The following GREB1 variants were observed in gnomAD, a reference collection of about 807,000 sequenced individuals.
GREB1 encodes the protein growth regulating estrogen receptor binding 1, also known as protein GREB1.
Under a neutral mutation model 200.7 loss-of-function variants are expected in GREB1, and 106 were observed. The observed-to-expected ratio is 0.53, with a 90% CI of 0.45 to 0.62. The LOEUF (loss-of-function observed/expected upper bound fraction) is 0.62, where lower values mean the gene tolerates loss of function less well. Among genes scored for constraint, GREB1 ranks in the 20% least tolerant of loss-of-function variants. The probability of loss-of-function intolerance (pLI) is 0.00; values close to 1 mark genes in which losing one functional copy is unlikely to be tolerated. For synonymous variants in GREB1, 1,132 were observed against 1,092.4 expected (o/e 1.04, Z -0.72); for missense variants, 2,243 against 2,556.8 (o/e 0.88, Z 2.65).
At chr2:11,596,049 T>C in intron 12 of GREB1, 62 bp from the exon 13 acceptor site, 2 of 1,531,132 alleles carry the variant, frequency 1.3e-6, no homozygotes, top group Non-Finnish European at 1.8e-6. Flanking sequence ...CTAACTGCGC[T>C]GTAGATGTTT....
intron 25 of GREB1, among the ~76,000 whole-genome samples, chr2:11,628,630 TC>T (rs1205719711): frequency 6.6e-6 from 1 of 152,244 alleles, no homozygotes; most frequent in Non-Finnish European, 1.5e-5. Flanking sequence ...ATGTAGTTTT[TC>T]TTTTAAGGCA....
chr2:11,616,806 T>G, intron 21 of GREB1, 86 bp downstream of exon 21: 1 of 779,496 alleles, frequency 1.3e-6, no homozygotes, highest in Admixed American at 2.1e-5. Flanking sequence ...AGAGGGCTAT[T>G]TGCTGATCCT....
At chr2:11,568,804 T>C (rs1295278885) in intron 4 of GREB1, among the ~76,000 whole-genome samples, 1 of 152,248 alleles carries the variant, frequency 6.6e-6, no homozygotes, top group Non-Finnish European at 1.5e-5. Context: ...CTTTGTTAAT[T>C]GCTTGCCAGA....
At chr2:11,623,941 A>T (rs1222433706) in intron 23 of GREB1, among the ~76,000 whole-genome samples, 2 of 151,912 alleles carry the variant, frequency 1.3e-5, no homozygotes, top group African/African-American at 4.9e-5. Context: ...TAGAAAAATT[A>T]AAATATTAAG....
At chr2:11,614,058 G>A (rs374203651) in intron 19 of GREB1, among the ~76,000 whole-genome samples, 1 of 151,712 alleles carries the variant, frequency 6.6e-6, no homozygotes, top group Non-Finnish European at 1.5e-5. Flanking sequence ...ACCCTGGCCT[G>A]TGTTCACTTG....
chr2:11,616,960 G>A (rs3792037), intron 21 of GREB1, among the ~76,000 whole-genome samples: 89,166 of 151,952 alleles, frequency 0.59, 27,085 homozygotes, highest in African/African-American at 0.76. Flanking sequence ...GCTCAGGGGA[G>A]GACCGTGGAC....
intron 1 of GREB1, among the ~76,000 whole-genome samples, chr2:11,543,032 C>T (rs1256351596): frequency 6.6e-6 from 1 of 152,130 alleles, no homozygotes; most frequent in Non-Finnish European, 1.5e-5. Context: ...TCTTCCTTTT[C>T]CTCGTCTACT....
intron 4 of GREB1, among the ~76,000 whole-genome samples, chr2:11,574,758 G>A (rs923226337): frequency 6.6e-6 from 1 of 152,238 alleles, no homozygotes; most frequent in African/African-American, 2.4e-5. Flanking sequence ...TGTGTCACTT[G>A]TGGGTTGAGA....
In GREB1 at chr2:11,618,396, G is replaced by A; in HGVS notation, c.3521G>A (p.Gly1174Asp). 6.2e-7 allele frequency: 1 copy of A among 1,611,462 alleles called. No homozygotes were observed. The change falls in exon 22 of 33, where the codon GGT (glycine) becomes GAT (aspartate). Residue 1174 changes from glycine to aspartate, a missense_variant. By Grantham distance (94) the Gly-to-Asp change is moderately conservative (BLOSUM62 -1). Transcript: ENST00000381486. ...CCCGCAGAGGAGGGCAGAGCCCCTG[G>A]TGAGAAACAGAGGCCCCGGGCAAGT... is the stretch of plus-strand genomic sequence containing the variant. The part of the protein sequence containing the change: ...RGPAEEGRAP[G>D]EKQRPRASQG...
In GREB1 at chr2:11,591,283, C is replaced by G; in HGVS notation, c.1346-1493C>G. On this transcript the variant is annotated intron_variant, in intron 10 of 32. Coordinates refer to ENST00000381486, the MANE Select transcript of GREB1 (RefSeq NM_014668.4). Reference sequence around the variant, plus strand: ...CCCACAGAGCAGGTGTCATGAACCCCGTGTTATGCATCAGGAAACCATGGG... The same window carrying G: ...CCCACAGAGCAGGTGTCATGAACCCGGTGTTATGCATCAGGAAACCATGGG... The G allele has an allele frequency of 4.3e-6, 3 of 691,474 alleles. No individual in the cohort carries two copies. In the South Asian group the frequency reaches 4.7e-5, roughly 11 times the overall value. 42.8% of individuals were successfully genotyped at this position (691,474 alleles called of 1,614,324 possible).
At chr2:11,536,983 A>T (rs903498380) in intron 1 of GREB1, among the ~76,000 whole-genome samples, 2 of 152,058 alleles carry the variant, frequency 1.3e-5, no homozygotes, top group Non-Finnish European at 1.5e-5. Flanking sequence ...TTTCTTTGAG[A>T]TGGAGTTTCA....
chr2:11,595,333 G>A lies in GREB1; in HGVS notation c.1779G>A (p.Thr593=), dbSNP rs770302375. The A allele has an allele frequency of 2.0e-5, 33 of 1,613,822 alleles. 1 individual carries two copies. In the Middle Eastern group the frequency reaches 8.2e-4, roughly 40 times the overall value. The change falls in exon 12 of 33, where the codon ACG becomes ACA. Residue 593 remains threonine, a synonymous_variant. Coordinates refer to ENST00000381486, the MANE Select transcript of GREB1 (RefSeq NM_014668.4). ...AGGAAGTCAATTACGAGCTGGTTAC[G>A]GGGAAGGTAGACTCGCTGGGGGCCT... is the stretch of plus-strand genomic sequence containing the variant. The part of the protein sequence containing the change: ...YQKEVNYELV[T]GKVDSLGAFF...
intron 6 of GREB1, 113 bp downstream of exon 6, chr2:11,578,544 T>TA (rs1311866446): frequency 7.6e-6 from 8 of 1,054,596 alleles, no homozygotes; most frequent in Non-Finnish European, 1.1e-5. Flanking sequence ...AGGGGGCTGT[T>TA]ATCTTTTTCT....
chr2:11,611,991 C>T (rs1026406776), intron 18 of GREB1, among the ~76,000 whole-genome samples: 2 of 151,996 alleles, frequency 1.3e-5, no homozygotes, highest in East Asian at 1.9e-4. Flanking sequence ...GTCAGGAGTT[C>T]GAGATAAGCC....
intron 17 of GREB1, among the ~76,000 whole-genome samples, chr2:11,610,124 AACTGG>A (rs1259626867): frequency 2.0e-5 from 3 of 152,150 alleles, no homozygotes; most frequent in Admixed American, 6.5e-5. Flanking sequence ...CTGAAGCAAA[AACTGG>A]GATTCTTGAT....
rs1461843070 is a variant in GREB1 at position 11,642,778 on chromosome 2, T to C, written c.*2324T>C. The C allele has an allele frequency of 6.6e-6, 1 of 152,238 alleles. No homozygotes were observed. The highest frequency in any genetic ancestry group is 2.1e-4 in the South Asian group (1 of 4,832). 9.4% of individuals were successfully genotyped at this position (152,238 alleles called of 1,614,324 possible). A position where few individuals can be genotyped will look rare whatever the true frequency, so the allele number is the denominator to read the frequency against. On this transcript the variant is annotated 3_prime_UTR_variant, in exon 33 of 33. Transcript: ENST00000381486. ...GTTCCAGTCTTATAAATAAAACTTA[T>C]AATGCATGTATTGTTTTGTTGGTGA... is the stretch of plus-strand genomic sequence containing the variant.
intron 12 of GREB1, 118 bp from the exon 13 acceptor site, chr2:11,595,993 C>G (rs1681172661): frequency 1.0e-6 from 1 of 961,128 alleles, no homozygotes; most frequent in Admixed American, 2.0e-5. Flanking sequence ...GGGCCATGTC[C>G]TCCTCTTTAC....
At chr2:11,558,104 A>G (rs892747027) in intron 2 of GREB1, among the ~76,000 whole-genome samples, 5 of 152,216 alleles carry the variant, frequency 3.3e-5, no homozygotes, top group African/African-American at 1.2e-4. Context: ...AGCTGAAGTA[A>G]TTGAATTCTG....
intron 1 of GREB1, among the ~76,000 whole-genome samples, chr2:11,521,851 T>G (rs1673715009): frequency 6.6e-6 from 1 of 152,200 alleles, no homozygotes; most frequent in African/African-American, 2.4e-5. Context: ...TCAAAAGACT[T>G]TAGTGGGTGG....
Sources: gnomAD v4.1 joint callset for allele counts (sites outside exome capture counted in the v4.1 genomes callset) on GRCh38, gnomAD v4.1.1 for gene constraint, MANE v1.5 for transcripts, NCBI Gene and HGNC (gene_info 2026-07-23, HGNC 2026-07-21) for gene names.